The following SEPTIN7 variants were observed in gnomAD, a reference collection of about 807,000 sequenced individuals.
SEPTIN7 encodes the protein septin 7.
SEPTIN7 carries 10 observed loss-of-function variants against 63.3 expected under a neutral mutation model. That is an observed-to-expected ratio of 0.16 (90% CI 0.10 to 0.27). The LOEUF (loss-of-function observed/expected upper bound fraction) is 0.27, where lower values mean the gene tolerates loss of function less well. Ranked by LOEUF, SEPTIN7 falls within the 10% of genes least tolerant of loss-of-function variation. The probability of loss-of-function intolerance (pLI) is 1.00; values close to 1 mark genes in which losing one functional copy is unlikely to be tolerated. For missense variants in SEPTIN7, 310 were observed against 521.0 expected, an observed-to-expected ratio of 0.59 and a Z score of 3.94; for synonymous variants, 131 against 165.3, an observed-to-expected ratio of 0.79 and a Z score of 1.59.
the SEPTIN7 span, among the ~76,000 whole-genome samples, chr7:35,913,662 C>T: frequency 6.6e-6 from 1 of 151,910 alleles, no homozygotes; most frequent in Non-Finnish European, 1.5e-5. Context: ...CTGAACATTG[C>T]TCACTGCAGC....
intron 3 of SEPTIN7, chr7:35,846,736 A>C (rs1403788372): frequency 1.3e-5 from 2 of 156,460 alleles, no homozygotes; most frequent in East Asian, 1.9e-4. Flanking sequence ...AATGGGACCT[A>C]GAATTCCTAG....
chr7:35,843,243 A>G (rs983660849), intron 3 of SEPTIN7, among the ~76,000 whole-genome samples: 1 of 152,126 alleles, frequency 6.6e-6, no homozygotes, highest in Non-Finnish European at 1.5e-5. Context: ...GGCCCTGCTT[A>G]CCTCTCTTGT....
chr7:35,903,879 T>A (rs1320179897), intron 13 of SEPTIN7, among the ~76,000 whole-genome samples: 1 of 152,172 alleles, frequency 6.6e-6, no homozygotes, highest in Non-Finnish European at 1.5e-5. Flanking sequence ...GAAAATAGAT[T>A]TGTGAAAGCA....
chr7:35,823,784 G>GT (rs1562748691), intron 1 of SEPTIN7, among the ~76,000 whole-genome samples: 1 of 152,060 alleles, frequency 6.6e-6, no homozygotes, highest in Non-Finnish European at 1.5e-5. Context: ...TGGCTGTTAC[G>GT]TATTCCTAGT....
intron 3 of SEPTIN7, among the ~76,000 whole-genome samples, chr7:35,854,461 A>G (rs917251530): frequency 5.9e-5 from 9 of 152,208 alleles, no homozygotes; most frequent in African/African-American, 1.9e-4. Flanking sequence ...TAATGGGTAA[A>G]GGCCAGGGAT....
rs1197713104 is a variant in SEPTIN7 at position 35,883,923 on chromosome 7, T to C, written c.756T>C (p.Asn252=). 7 of 1,609,302 alleles carry C rather than the reference T, an allele frequency of 4.3e-6. No homozygotes were observed. Among genetic ancestry groups the C allele is most frequent in the South Asian group, 1.1e-5 (1 of 90,940 alleles). Residue 252 remains asparagine (N), a synonymous_variant, in exon 9 of 14, where the codon AAT becomes AAC. Coordinates refer to ENST00000350320, the MANE Select transcript of SEPTIN7 (RefSeq NM_001788.6). ...TACCTCTTGCTGTGGTAGGTAGTAA[T>C]ACTATCATTGAAGTTAATGGCAAAA... ...DRLPLAVVGS[N]TIIEVNGKRV...
At position 35,801,264 on chromosome 7, in the gene SEPTIN7, A is replaced by C; in HGVS notation, c.55A>C (p.Thr19Pro). ...AAEERSVNSSTMVAQQKNLEG... is the reference protein window; with the variant it reads ...AAEERSVNSSPMVAQQKNLEG... ...TGAGGAGAGGAGCGTCAACAGCAGC[A>C]CCATGGGTGAGTCTCAGCTTCGGGT... Residue 19 changes from threonine to proline, a missense_variant, in exon 1 of 14, where the codon ACC (threonine) becomes CCC (proline). Thr to Pro is a conservative substitution (Grantham distance 38). This residue lies in a region of SEPTIN7 where 55 missense variants were observed against 30.5 expected (regional missense o/e 1.80). Coordinates refer to ENST00000350320, the MANE Select transcript of SEPTIN7 (RefSeq NM_001788.6). 1 of 1,497,164 alleles carries C rather than the reference A, an allele frequency of 6.7e-7. No individual in the cohort carries two copies. Among genetic ancestry groups the C allele is most frequent in the Non-Finnish European group, 8.9e-7 (1 of 1,128,892 alleles). 92.7% of individuals were successfully genotyped at this position (1,497,164 alleles called of 1,614,324 possible).
intron 1 of SEPTIN7, among the ~76,000 whole-genome samples, chr7:35,822,614 A>G (rs1244320325): frequency 2.0e-5 from 3 of 152,176 alleles, no homozygotes; most frequent in Non-Finnish European, 1.5e-5. Context: ...CTTGCCCGCC[A>G]CTTACCTCCT....
intron 3 of SEPTIN7, among the ~76,000 whole-genome samples, chr7:35,859,128 TAA>T (rs1418879050): frequency 2.0e-5 from 3 of 152,198 alleles, no homozygotes; most frequent in Non-Finnish European, 2.9e-5. Flanking sequence ...CATTTTTATA[TAA>T]GTGTTTACAA....
chr7:35,817,641 T>C (rs193011407), intron 1 of SEPTIN7, among the ~76,000 whole-genome samples: 1 of 152,232 alleles, frequency 6.6e-6, no homozygotes, highest in Admixed American at 6.5e-5. Context: ...TATTGTCGTC[T>C]TAACAGTATT....
intron 3 of SEPTIN7, among the ~76,000 whole-genome samples, chr7:35,840,713 GT>G (rs1323184138): frequency 1.3e-5 from 2 of 152,060 alleles, no homozygotes; most frequent in African/African-American, 4.8e-5. Flanking sequence ...TGTTATGACT[GT>G]TTTAGATGCT....
At chr7:35,889,534 G>A (rs1387517225) in intron 10 of SEPTIN7, among the ~76,000 whole-genome samples, 1 of 152,136 alleles carries the variant, frequency 6.6e-6, no homozygotes, top group Non-Finnish European at 1.5e-5. Flanking sequence ...GATAAAAACA[G>A]TACAACAATA....
chr7:35,907,612 C>A (rs548580546), downstream of SEPTIN7, among the ~76,000 whole-genome samples: 1 of 152,104 alleles, frequency 6.6e-6, no homozygotes, highest in East Asian at 1.9e-4. Context: ...ACACCAGGGC[C>A]TGTGCTTAAA....
chr7:35,828,479 G>A (rs532564190), intron 1 of SEPTIN7, among the ~76,000 whole-genome samples: 5 of 151,718 alleles, frequency 3.3e-5, no homozygotes, highest in African/African-American at 7.3e-5. Flanking sequence ...AGGTTCAAGC[G>A]ATTCTTGTGC....
At chr7:35,888,497 G>A (rs1208417180) in intron 10 of SEPTIN7, among the ~76,000 whole-genome samples, 1 of 151,954 alleles carries the variant, frequency 6.6e-6, no homozygotes, top group Non-Finnish European at 1.5e-5. Context: ...CGATTTTTCA[G>A]TGATGCAGTG....
intron 4 of SEPTIN7, among the ~76,000 whole-genome samples, chr7:35,865,363 G>A (rs907721961): frequency 6.6e-6 from 1 of 152,080 alleles, no homozygotes; most frequent in African/African-American, 2.4e-5. Flanking sequence ...TTTCTCCATA[G>A]ATAAATTTGC....
At chr7:35,838,445 C>G (rs949429257) in intron 3 of SEPTIN7, 2 of 148,584 alleles carry the variant, frequency 1.3e-5, no homozygotes, top group Non-Finnish European at 3.0e-5. Context: ...TCTTGGCTCA[C>G]TGCAGTCTCT....
At chr7:35,803,656 A>G (rs1449598100) in intron 1 of SEPTIN7, among the ~76,000 whole-genome samples, 1 of 152,212 alleles carries the variant, frequency 6.6e-6, no homozygotes, top group Non-Finnish European at 1.5e-5. Flanking sequence ...TCAATTTTTG[A>G]TTATAAGTTG....
intron 1 of SEPTIN7, among the ~76,000 whole-genome samples, chr7:35,809,145 A>G (rs1322612616): frequency 2.0e-5 from 3 of 152,214 alleles, no homozygotes; most frequent in East Asian, 3.8e-4. Context: ...CACGTTTTGT[A>G]CTTGCTGTGT....
Sources: gnomAD v4.1 joint callset for allele counts (sites outside exome capture counted in the v4.1 genomes callset) on GRCh38, gnomAD v4.1.1 for gene constraint, gnomAD v4.1.1 regional missense constraint, MANE v1.5 for transcripts, NCBI Gene and HGNC (gene_info 2026-07-23, HGNC 2026-07-21) for gene names.